UGT2B28: variants seen among roughly 807,000 people sequenced by gnomAD.
UGT2B28 encodes the protein UDP-glucuronosyltransferase 2B28.
UGT2B28 carries 45 observed loss-of-function variants against 43.6 expected under a neutral mutation model. The observed-to-expected ratio is 1.03, with a 90% confidence interval of 0.81 to 1.32. The LOEUF (loss-of-function observed/expected upper bound fraction) is 1.32, where lower values mean the gene tolerates loss of function less well. UGT2B28 is among the 40% of genes most tolerant of loss of function. UGT2B28 has a pLI of 0.00. For missense variants in UGT2B28, 649 were observed against 625.5 expected (o/e 1.04, Z -0.40); for synonymous variants, 204 against 208.1 (o/e 0.98, Z 0.17).
intron 4 of UGT2B28, 125 bp downstream of exon 4, chr4:69,289,877 A>T (rs1577996275): frequency 4.7e-6 from 5 of 1,061,506 alleles, no homozygotes; most frequent in African/African-American, 1.9e-5. Context: ...CTTTGTATTT[A>T]TTTTCCAGTC....
In UGT2B28 at chr4:69,294,741, G is replaced by A. The variant is rs150330705; in HGVS notation, c.1522G>A (p.Val508Ile). 6,433 of 1,558,796 alleles carry A rather than the reference G, an allele frequency of 4.1e-3. 887 individuals are homozygous for A. The highest frequency in any genetic ancestry group is 4.6e-3 in the Non-Finnish European group (5,304 of 1,155,020). The change falls in exon 6 of 6, where the codon GTC (valine) becomes ATC (isoleucine). Residue 508 changes from valine (V) to isoleucine (I), a missense_variant. Transcript: ENST00000335568. ...CTGTGTGGCAACTGTGATATTTGTCGTCACAAAGTTTTGTCTGTTTTGTTT... is the reference window on the plus strand; with the variant it reads ...CTGTGTGGCAACTGTGATATTTGTCATCACAAAGTTTTGTCTGTTTTGTTT... Reference protein sequence around the residue: ...LACVATVIFVVTKFCLFCFWK... With the variant: ...LACVATVIFVITKFCLFCFWK...
rs1723597474 is a variant in UGT2B28 at position 69,281,176 on chromosome 4, A to G, written c.676A>G (p.Met226Val). 1.3e-6 allele frequency: 2 copies of G among 1,545,210 alleles called. No homozygotes were observed. Among genetic ancestry groups the G allele is most frequent in the Admixed American group, 3.7e-5 (2 of 53,650 alleles). The stretch of plus-strand genomic sequence containing the variant: ...GCTTTATTTTGACTTTTGGTTCCAA[A>G]TGTGTGATATGAAGAAGTGGGATCA... Reference protein sequence around the residue: ...YVLYFDFWFQMCDMKKWDQFY... With the variant: ...YVLYFDFWFQVCDMKKWDQFY... The change falls in exon 1 of 6, where the codon ATG becomes GTG. Residue 226 changes from methionine (M) to valine (V), a missense_variant. By Grantham distance (21) the Met-to-Val change is conservative. Transcript: ENST00000335568.
chr4:69,282,157 G>A (rs1368929951), intron 1 of UGT2B28, among the ~76,000 whole-genome samples: 2 of 138,940 alleles, frequency 1.4e-5, no homozygotes, highest in Non-Finnish European at 3.1e-5. Context: ...AATTGATTAT[G>A]GAGCTCAAAG....
chr4:69,291,856 T>A (rs1723964440), intron 5 of UGT2B28, among the ~76,000 whole-genome samples: 1 of 140,312 alleles, frequency 7.1e-6, no homozygotes, highest in Non-Finnish European at 1.5e-5. Context: ...TGGTTCCAAT[T>A]CCTCCACACT....
chr4:69,294,947 A>C lies in UGT2B28; in HGVS notation c.*138A>C. 1 of 1,221,582 alleles carries C rather than the reference A, an allele frequency of 8.2e-7. No homozygotes were observed. Among genetic ancestry groups the C allele is most frequent in the Non-Finnish European group, 1.1e-6 (1 of 946,848 alleles). The allele number at this position is 1,221,582 out of a possible 1,614,324, so 75.7% of individuals were successfully genotyped here. A position where few individuals can be genotyped will look rare whatever the true frequency, so the allele number is the denominator to read the frequency against. On this transcript the variant is annotated 3_prime_UTR_variant, in exon 6 of 6. Coordinates refer to ENST00000335568, the MANE Select transcript of UGT2B28 (RefSeq NM_053039.2). ...AAAACTTTTCAAAATCTACCTTGTC[A>C]AGTAAAAATTTGTTTTTCAGAGATT...
At chr4:69,283,723 T>C (rs1165357397) in intron 2 of UGT2B28, among the ~76,000 whole-genome samples, 1 of 140,784 alleles carries the variant, frequency 7.1e-6, no homozygotes, top group Non-Finnish European at 1.5e-5. Context: ...CCAATACTAC[T>C]AACTACTTAA....
At chr4:69,294,410 C>T (rs182643197) in intron 5 of UGT2B28, 120 bp from the exon 6 acceptor site, 1 of 1,073,678 alleles carries the variant, frequency 9.3e-7, no homozygotes, top group Non-Finnish European at 1.2e-6. Context: ...CACAAATTCT[C>T]TGTCAATTCT....
chr4:69,286,736 C>T lies in UGT2B28; in HGVS notation c.871-16C>T, dbSNP rs367786251. 39 of 1,551,656 alleles carry T rather than the reference C, an allele frequency of 2.5e-5. 4 individuals carry two copies. Among genetic ancestry groups the T allele is most frequent in the African/African-American group, 3.1e-5 (2 of 64,894 alleles). ...GTGGTGATACTCTTTTGTGATTAAA[C>T]AATTTTTTTTCACAGGAAATGGAGG... is the stretch of plus-strand genomic sequence containing the variant. On this transcript the variant is annotated splice_polypyrimidine_tract_variant and intron_variant, in intron 2 of 5. Transcript: ENST00000335568.
At chr4:69,292,208 A>G (rs1290124665) in intron 5 of UGT2B28, among the ~76,000 whole-genome samples, 1 of 140,376 alleles carries the variant, frequency 7.1e-6, no homozygotes, top group Admixed American at 7.1e-5. Context: ...ATATAATTTT[A>G]AGTTAAAGTT....
chr4:69,284,211 A>C lies in UGT2B28; in HGVS notation c.870+1549A>C, dbSNP rs376988511. 4.8e-4 allele frequency among the ~76,000 whole-genome samples: 68 copies of C among 140,400 alleles called. 14 individuals are homozygous for C. In the South Asian group the frequency reaches 8.5e-3, roughly 18 times the overall value. The allele number at this position is 140,400 out of a possible 152,430, so 92.1% of individuals were successfully genotyped here. On this transcript the variant is annotated intron_variant, in intron 2 of 5. Transcript: ENST00000335568. The stretch of plus-strand genomic sequence containing the variant: ...GTGAACAATGCATGTATAATAAAGA[A>C]CAAATAATTTCTACCACTTGTATCT...
chr4:69,286,216 A>G (rs1363268034), intron 2 of UGT2B28, among the ~76,000 whole-genome samples: 4 of 141,690 alleles, frequency 2.8e-5, no homozygotes, highest in Non-Finnish European at 4.5e-5. Context: ...AAAGCATTGT[A>G]GAGGAACATA....
intron 2 of UGT2B28, among the ~76,000 whole-genome samples, chr4:69,283,628 C>T (rs1486618462): frequency 1.4e-5 from 2 of 140,198 alleles, no homozygotes; most frequent in Non-Finnish European, 3.1e-5. Flanking sequence ...TTAAAACAGA[C>T]AAAACACTTA....
rs1577997035 is a variant in UGT2B28 at position 69,290,874 on chromosome 4, G to C, written c.1310+63G>C. On this transcript the variant is annotated intron_variant, in intron 5 of 5. Transcript: ENST00000335568. ...AGATAGCTTCTCTTTTCAATAGTGAGCATGAGTTTCATCCTTTTTATAAGA... is the reference window on the plus strand; with the variant it reads ...AGATAGCTTCTCTTTTCAATAGTGACCATGAGTTTCATCCTTTTTATAAGA... The C allele has an allele frequency of 3.4e-6, 5 of 1,478,586 alleles. 2 individuals are homozygous for C. In the Admixed American group the frequency reaches 9.9e-5, roughly 29 times the overall value. The allele number at this position is 1,478,586 out of a possible 1,614,324, so 91.6% of individuals were successfully genotyped here.
intron 3 of UGT2B28, among the ~76,000 whole-genome samples, chr4:69,287,271 G>A (rs1723807150): frequency 7.1e-6 from 1 of 140,708 alleles, no homozygotes; most frequent in Non-Finnish European, 1.5e-5. Flanking sequence ...GTCTTTAGAT[G>A]ACTTTCAAGT....
At chr4:69,288,602 A>G (rs1577995395) in intron 3 of UGT2B28, among the ~76,000 whole-genome samples, 1 of 139,464 alleles carries the variant, frequency 7.2e-6, no homozygotes, top group East Asian at 2.0e-4. Context: ...TTTTATTTTT[A>G]ACTTTTAAGT....
chr4:69,287,479 A>C (rs1178061351), intron 3 of UGT2B28, among the ~76,000 whole-genome samples: 1 of 140,912 alleles, frequency 7.1e-6, no homozygotes, highest in African/African-American at 2.8e-5. Context: ...TAAGGAATGT[A>C]CTATTTCTGT....
At chr4:69,288,145 C>G (rs1183034875) in intron 3 of UGT2B28, among the ~76,000 whole-genome samples, 1 of 67,884 alleles carries the variant, frequency 1.5e-5, no homozygotes, top group Admixed American at 1.5e-4. Context: ...CTCCTCATTT[C>G]TAGGCCAAAA....
At chr4:69,287,314 A>C (rs1283091644) in intron 3 of UGT2B28, among the ~76,000 whole-genome samples, 1 of 140,962 alleles carries the variant, frequency 7.1e-6, no homozygotes, top group Non-Finnish European at 1.5e-5. Flanking sequence ...CCAGAACTGC[A>C]TCTTTGTAGA....
rs547485372 is a variant in UGT2B28, at chr4:69,284,842, G to A, written c.871-1910G>A. Among the ~76,000 whole-genome samples the A allele has an allele frequency of 4.3e-5, 6 of 139,932 alleles. 3 individuals carry two copies. Among genetic ancestry groups the A allele is most frequent in the African/African-American group, 1.7e-4 (6 of 35,962 alleles). 91.8% of individuals were successfully genotyped at this position (139,932 alleles called of 152,430 possible). A position where few individuals can be genotyped will look rare whatever the true frequency, so the allele number is the denominator to read the frequency against. On this transcript the variant is annotated intron_variant, in intron 2 of 5. Transcript: ENST00000335568. ...CAGATAATTTCTATATATTTTAAGAGAATAAGACACTTGACAAACTGCATC... is the reference window on the plus strand; with the variant it reads ...CAGATAATTTCTATATATTTTAAGAAAATAAGACACTTGACAAACTGCATC...
Sources: allele counts gnomAD v4.1 joint callset (sites outside exome capture counted in the v4.1 genomes callset), GRCh38; gene constraint gnomAD v4.1.1; transcripts MANE v1.5; gene names NCBI Gene and HGNC (gene_info 2026-07-23, HGNC 2026-07-21).